Variants in CDK5RAP2 observed in about 807,000 individuals in gnomAD.
The protein encoded by CDK5RAP2 is CDK5 regulatory subunit-associated protein 2.
In CDK5RAP2, 147 loss-of-function variants were observed where a neutral mutation model predicts 232.9. The observed-to-expected ratio is 0.63, with a 90% confidence interval of 0.55 to 0.72. The LOEUF (loss-of-function observed/expected upper bound fraction) is 0.72. CDK5RAP2 is among the 30% of genes least tolerant of loss of function. CDK5RAP2 has a pLI of 0.00. For missense variants in CDK5RAP2, 2,195 were observed against 2,231.5 expected, an observed-to-expected ratio of 0.98 and a Z score of 0.33; for synonymous variants, 833 against 833.7, an observed-to-expected ratio of 1.00 and a Z score of 0.01.
intron 16 of CDK5RAP2, among the ~76,000 whole-genome samples, chr9:120,470,700 T>G (rs2037648499): frequency 6.6e-6 from 1 of 150,510 alleles, no homozygotes; most frequent in Admixed American, 6.7e-5. Flanking sequence ...GCACACTAAG[T>G]GCAGAAAGTG....
At chr9:120,567,006 T>C (rs1274259268) in intron 3 of CDK5RAP2, among the ~76,000 whole-genome samples, 1 of 152,234 alleles carries the variant, frequency 6.6e-6, no homozygotes, top group Non-Finnish European at 1.5e-5. Context: ...AGAGCCGCTT[T>C]AATATTAAAG....
At chr9:120,394,846 G>A (rs371137032) in intron 35 of CDK5RAP2, among the ~76,000 whole-genome samples, 2 of 152,194 alleles carry the variant, frequency 1.3e-5, no homozygotes, top group African/African-American at 4.8e-5. Context: ...CGTGACCTCT[G>A]GTGGAAGTGC....
chr9:120,390,699 G>A (rs535951680), intron 36 of CDK5RAP2, among the ~76,000 whole-genome samples: 4 of 152,248 alleles, frequency 2.6e-5, no homozygotes, highest in African/African-American at 7.2e-5. Flanking sequence ...TACTCCCCAC[G>A]TTGGAAATAC....
chr9:120,411,999 TC>T (rs1564184254), intron 28 of CDK5RAP2, among the ~76,000 whole-genome samples: 1 of 152,212 alleles, frequency 6.6e-6, no homozygotes, highest in Non-Finnish European at 1.5e-5. Flanking sequence ...TGCTGCTTCC[TC>T]CAAAATGCTT....
At chr9:120,489,718 G>T (rs1049287910) in intron 13 of CDK5RAP2, among the ~76,000 whole-genome samples, 2 of 151,786 alleles carry the variant, frequency 1.3e-5, no homozygotes, top group Admixed American at 6.6e-5. Context: ...GAAATGTTTG[G>T]ATTTTTAAAA....
chr9:120,492,277 G>A (rs908749346), intron 12 of CDK5RAP2, among the ~76,000 whole-genome samples: 1 of 152,104 alleles, frequency 6.6e-6, no homozygotes, highest in Admixed American at 6.5e-5. Flanking sequence ...AAGGAATGAG[G>A]ACTCTTTCTC....
intron 20 of CDK5RAP2, among the ~76,000 whole-genome samples, chr9:120,454,890 T>C (rs986084770): frequency 6.6e-6 from 1 of 152,214 alleles, no homozygotes; most frequent in African/African-American, 2.4e-5. Context: ...ATTCCTGTCT[T>C]ACTCTCCCTG....
chr9:120,523,870 G>A (rs1353510990), intron 11 of CDK5RAP2, among the ~76,000 whole-genome samples: 1 of 152,104 alleles, frequency 6.6e-6, no homozygotes, highest in Non-Finnish European at 1.5e-5. Flanking sequence ...GAAGAAAGAG[G>A]GGCTGACCAT....
At chr9:120,521,085 T>C (rs1471501585) in intron 11 of CDK5RAP2, among the ~76,000 whole-genome samples, 3 of 152,172 alleles carry the variant, frequency 2.0e-5, no homozygotes, top group Admixed American at 6.5e-5. Flanking sequence ...TACTCCATTA[T>C]CTTTCATTCC....
intron 26 of CDK5RAP2, among the ~76,000 whole-genome samples, chr9:120,421,170 C>A (rs926039605): frequency 1.3e-5 from 2 of 152,142 alleles, no homozygotes; most frequent in African/African-American, 4.8e-5. Flanking sequence ...CAGCTTTGAC[C>A]CTCTATGTGC....
intron 5 of CDK5RAP2, among the ~76,000 whole-genome samples, chr9:120,541,062 C>G (rs1002026704): frequency 6.6e-6 from 1 of 152,204 alleles, no homozygotes; most frequent in Non-Finnish European, 1.5e-5. Flanking sequence ...TTATACACGG[C>G]CGAAAGAATT....
At chr9:120,570,054 T>G (rs893915319) in intron 2 of CDK5RAP2, among the ~76,000 whole-genome samples, 13 of 151,884 alleles carry the variant, frequency 8.6e-5, no homozygotes, top group African/African-American at 3.1e-4. Flanking sequence ...AGCTGAGTCT[T>G]AAAGAGGGAG....
At chr9:120,484,520 G>C (rs1390311975) in intron 14 of CDK5RAP2, among the ~76,000 whole-genome samples, 1 of 152,090 alleles carries the variant, frequency 6.6e-6, no homozygotes, top group East Asian at 1.9e-4. Flanking sequence ...TCAGAAGTTT[G>C]AGACCAGCCT....
chr9:120,501,548 TA>T (rs1374681635), intron 12 of CDK5RAP2, among the ~76,000 whole-genome samples: 2 of 152,216 alleles, frequency 1.3e-5, no homozygotes, highest in Non-Finnish European at 2.9e-5. Context: ...AACATAGCCA[TA>T]AATTATTTGA....
chr9:120,440,030 C>T, intron 23 of CDK5RAP2, 58 bp from the exon 24 acceptor site: 1 of 1,492,900 alleles, frequency 6.7e-7, no homozygotes, highest in South Asian at 1.1e-5. Flanking sequence ...AACCCTCTCT[C>T]CTTCCTCACA....
chr9:120,560,859 T>C (rs1316537483), intron 3 of CDK5RAP2, among the ~76,000 whole-genome samples: 6 of 152,048 alleles, frequency 3.9e-5, no homozygotes, highest in African/African-American at 1.4e-4. Context: ...CCAGGTGATA[T>C]GCCCGCCTTG....
intron 14 of CDK5RAP2, among the ~76,000 whole-genome samples, chr9:120,484,194 AGAG>A (rs2038472001): frequency 6.6e-6 from 1 of 152,222 alleles, no homozygotes; most frequent in Non-Finnish European, 1.5e-5. Context: ...AGAAATGGGC[AGAG>A]GATAAATTCT....
intron 5 of CDK5RAP2, among the ~76,000 whole-genome samples, chr9:120,540,710 A>T (rs991417191): frequency 6.6e-6 from 1 of 152,186 alleles, no homozygotes; most frequent in African/African-American, 2.4e-5. Context: ...TCAGTAAATT[A>T]CCTCTCACAC....
At chr9:120,431,062 T>C (rs922860400) in intron 25 of CDK5RAP2, among the ~76,000 whole-genome samples, 3 of 151,780 alleles carry the variant, frequency 2.0e-5, no homozygotes, top group East Asian at 1.9e-4. Context: ...AATTGAACAA[T>C]GAGAACACGT....
Sources: gnomAD v4.1 joint callset for allele counts (sites outside exome capture counted in the v4.1 genomes callset) on GRCh38, gnomAD v4.1.1 for gene constraint, MANE v1.5 for transcripts, NCBI Gene and HGNC (gene_info 2026-07-23, HGNC 2026-07-21) for gene names.